Variants in HMCN2 observed in about 807,000 individuals in gnomAD.
HMCN2 encodes hemicentin 2.
Under a neutral mutation model 377.5 loss-of-function variants are expected in HMCN2, and 325 were observed. The ratio of observed to expected loss-of-function variants is 0.86; its 90% confidence interval spans 0.79 to 0.94. The LOEUF (loss-of-function observed/expected upper bound fraction) is 0.94, where lower values mean the gene tolerates loss of function less well. Among genes scored for constraint, HMCN2 ranks in the 40% least tolerant of loss-of-function variants. HMCN2 has a pLI of 0.00. For synonymous variants in HMCN2, 2,007 were observed against 2,046.8 expected (o/e 0.98, Z 0.53); for missense variants, 4,543 against 4,725.3 (o/e 0.96, Z 1.13).
intron 13 of HMCN2, 80 bp from the exon 14 acceptor site, chr9:130,307,373 A>C (rs1554937203): frequency 2.2e-6 from 1 of 463,594 alleles, no homozygotes; most frequent in Non-Finnish European, 4.5e-6. Context: ...GATGAGGGAG[A>C]GGGCTCCCTG....
At chr9:130,283,783 G>A (rs1436252524) in intron 1 of HMCN2, among the ~76,000 whole-genome samples, 1 of 152,176 alleles carries the variant, frequency 6.6e-6, no homozygotes, top group Non-Finnish European at 1.5e-5. Context: ...ACCTGGTTCT[G>A]TGAATTTACC....
intron 15 of HMCN2, among the ~76,000 whole-genome samples, chr9:130,311,485 C>G (rs1186304990): frequency 6.6e-6 from 1 of 152,164 alleles, no homozygotes; most frequent in Non-Finnish European, 1.5e-5. Context: ...AGGTGAGACA[C>G]AGCATCAACC....
In HMCN2 at chr9:130,425,922, C is replaced by G; in HGVS notation, c.13877C>G (p.Ala4626Gly). ...LRFQLATALQ[A>G]EENEVGCPEG... ...TTCCAGCTCGCTACAGCCCTGCAGG[C>G]GGGTGAGGCCCCTCTGCTTTGTTCC... Residue 4626 changes from alanine to glycine, a missense_variant and splice_region_variant, in exon 90 of 98, where the codon GCG becomes GGG. Transcript: ENST00000683500. The G allele has an allele frequency of 6.5e-7, 1 of 1,545,068 alleles. No homozygotes were observed. The highest frequency in any genetic ancestry group is 8.7e-7 in the Non-Finnish European group (1 of 1,145,028).
chr9:130,410,699 G>T (rs1368789496), intron 85 of HMCN2, 47 bp downstream of exon 85: 2 of 1,507,710 alleles, frequency 1.3e-6, no homozygotes, highest in Non-Finnish European at 1.8e-6. Context: ...GTGTGCTCGG[G>T]GACAGCGGTG....
At chr9:130,371,301 G>A (rs1249733119) in intron 46 of HMCN2, among the ~76,000 whole-genome samples, 170 bp downstream of exon 46, 1 of 152,110 alleles carries the variant, frequency 6.6e-6, no homozygotes, top group African/African-American at 2.4e-5. Flanking sequence ...GTCAGGTGAG[G>A]TGCTCCAGGA....
At chr9:130,287,356 T>G (rs1032291707) in intron 4 of HMCN2, among the ~76,000 whole-genome samples, 1 of 151,960 alleles carries the variant, frequency 6.6e-6, no homozygotes, top group Non-Finnish European at 1.5e-5. Context: ...GTGCGGCCCA[T>G]TCTTCGAGCT....
rs902269834 is a variant in HMCN2 at position 130,384,470 on chromosome 9, C to A, written c.8928C>A (p.Pro2976=). 6.9e-6 allele frequency: 9 copies of A among 1,304,114 alleles called. No individual in the cohort carries two copies. The African/African-American group carries it at 1.2e-4, about 18-fold the overall frequency. 80.8% of individuals were successfully genotyped at this position (1,304,114 alleles called of 1,614,324 possible). A position where few individuals can be genotyped will look rare whatever the true frequency, so the allele number is the denominator to read the frequency against. The change falls in exon 58 of 98, where the codon CCC becomes CCA. Residue 2976 remains proline, a synonymous_variant. Transcript: ENST00000683500. ...GCGACGTCCACGCTCACCCAAACCC[C>A]GAGGTCACGTGGTACAAGGACAGCC... is the stretch of plus-strand genomic sequence containing the variant. ...LPCDVHAHPN[P]EVTWYKDSQA...
intron 87 of HMCN2, among the ~76,000 whole-genome samples, chr9:130,424,164 TATA>T (rs1480759190): frequency 9.6e-4 from 128 of 133,140 alleles, no homozygotes; most frequent in African/African-American, 3.6e-3. Context: ...TATATATATA[TATA>T]TATTTTTTTT....
intron 34 of HMCN2, among the ~76,000 whole-genome samples, chr9:130,356,571 T>A (rs1006350360): frequency 6.6e-6 from 1 of 152,260 alleles, no homozygotes; most frequent in African/African-American, 2.4e-5. Context: ...CTACGTTTGC[T>A]GTTCCTTCTG....
rs1844670180 is a variant in HMCN2, at chr9:130,430,455, C to T, written c.14498C>T (p.Pro4833Leu). 6.4e-7 allele frequency: 1 copy of T among 1,550,508 alleles called. No homozygotes were observed. Among genetic ancestry groups the T allele is most frequent in the Non-Finnish European group, 8.7e-7 (1 of 1,146,990 alleles). The change falls in exon 95 of 98, where the codon CCT becomes CTT. Residue 4833 changes from proline to leucine, a missense_variant. Physicochemically the swap from Pro to Leu is moderately conservative, Grantham distance 98. Coordinates refer to ENST00000683500, the MANE Select transcript of HMCN2 (RefSeq NM_001291815.2). ...QNVTTVSHRG[P>L]LLPWLRPWAS... Reference sequence around the variant, plus strand: ...GTGACCACCGTCAGCCACCGAGGCCCTCTATTGCCCTGGCTGCGGCCCTGG... The same window carrying T: ...GTGACCACCGTCAGCCACCGAGGCCTTCTATTGCCCTGGCTGCGGCCCTGG...
rs1477991110 is a variant in HMCN2 at position 130,414,478 on chromosome 9, A to G, written c.12961+3826A>G. 6.6e-6 allele frequency among the ~76,000 whole-genome samples: 1 copy of G among 152,234 alleles called. No individual in the cohort carries two copies. The highest frequency in any genetic ancestry group is 1.5e-5 in the Non-Finnish European group (1 of 68,034). Reference sequence around the variant, plus strand: ...AGATTTAAATAAAAATCCGAGTCTTACAATACTGAAACTCACTTACACACC... The same window carrying G: ...AGATTTAAATAAAAATCCGAGTCTTGCAATACTGAAACTCACTTACACACC... On this transcript the variant is annotated intron_variant, in intron 85 of 97. Coordinates refer to ENST00000683500, the MANE Select transcript of HMCN2 (RefSeq NM_001291815.2). This position sits in a 1 kb window ranked among gnomAD's most constrained non-coding sequence, Gnocchi z 4.4.
intron 8 of HMCN2, among the ~76,000 whole-genome samples, chr9:130,302,524 G>C (rs1041256417): frequency 1.3e-5 from 2 of 152,162 alleles, no homozygotes; most frequent in African/African-American, 4.8e-5. Context: ...GCCTGGTCCA[G>C]GCTGGCCAAC....
chr9:130,281,889 CAAA>C (rs782176109), intron 1 of HMCN2, among the ~76,000 whole-genome samples: 8 of 58,908 alleles, frequency 1.4e-4, no homozygotes, highest in Admixed American at 1.9e-4. Flanking sequence ...GACTCCATCT[CAAA>C]AAAAAAAAAA....
chr9:130,364,164 G>T (rs1840563069), intron 40 of HMCN2, among the ~76,000 whole-genome samples: 1 of 152,190 alleles, frequency 6.6e-6, no homozygotes, highest in Non-Finnish European at 1.5e-5. Flanking sequence ...CCTCATGGCG[G>T]CCCCATCAGG....
intron 59 of HMCN2, among the ~76,000 whole-genome samples, chr9:130,385,260 A>G (rs10901274): frequency 0.95 from 144,118 of 152,128 alleles, 68,620 homozygotes; most frequent in Non-Finnish European, 0.99. Flanking sequence ...CTCGACAGAG[A>G]GCTGTAACCC....
intron 84 of HMCN2, among the ~76,000 whole-genome samples, chr9:130,409,997 C>T (rs1843328716): frequency 2.0e-5 from 3 of 152,226 alleles, no homozygotes; most frequent in African/African-American, 4.8e-5. Context: ...ATCCATGGGT[C>T]ACCTGTTAGG....
intron 36 of HMCN2, among the ~76,000 whole-genome samples, chr9:130,359,006 G>A (rs1042930724): frequency 4.6e-5 from 7 of 151,910 alleles, no homozygotes; most frequent in Admixed American, 1.3e-4. Context: ...TCATATTTAC[G>A]TTTGCTTATT....
rs1208623711 is a variant in HMCN2 at position 130,386,443 on chromosome 9, G to A, written c.9310G>A (p.Val3104Ile). The A allele has an allele frequency of 7.7e-7, 1 of 1,303,060 alleles. No individual in the cohort carries two copies. Among genetic ancestry groups the A allele is most frequent in the Admixed American group, 2.3e-5 (1 of 43,522 alleles). 80.7% of individuals were successfully genotyped at this position (1,303,060 alleles called of 1,614,324 possible). A position where few individuals can be genotyped will look rare whatever the true frequency, so the allele number is the denominator to read the frequency against. Residue 3104 changes from valine (V) to isoleucine (I), a missense_variant and splice_region_variant, in exon 61 of 98, where the codon GTA (valine) becomes ATA (isoleucine). Physicochemically the swap from Val to Ile is conservative, Grantham distance 29. This residue lies in a region of HMCN2 where 736 missense variants were observed against 773.2 expected (regional missense o/e 0.95). Coordinates refer to ENST00000683500, the MANE Select transcript of HMCN2 (RefSeq NM_001291815.2). ...GQRLEIQEAQ[V>I]SDKGLYSCKV... is the part of the protein sequence containing the mutation. ...CCACTGTGTGCTCTTCCTCTTTCAG[G>A]TATCGGATAAAGGTTTATACAGCTG...
At chr9:130,317,404 G>A (rs1837613573) in intron 15 of HMCN2, among the ~76,000 whole-genome samples, 2 of 151,680 alleles carry the variant, frequency 1.3e-5, no homozygotes, top group South Asian at 2.1e-4. Context: ...CTTGAGCCTC[G>A]AGGCTGCAGT....
Sources: gnomAD v4.1 joint callset for allele counts (sites outside exome capture counted in the v4.1 genomes callset) on GRCh38, gnomAD v4.1.1 for gene constraint, gnomAD v4.1.1 regional missense constraint, Gnocchi (gnomAD v3.1) non-coding constraint, MANE v1.5 for transcripts, NCBI Gene and HGNC (gene_info 2026-07-23, HGNC 2026-07-21) for gene names.